The following CRYBG1 variants were observed in gnomAD, a reference collection of about 807,000 sequenced individuals.
CRYBG1 encodes the protein crystallin beta-gamma domain containing 1, also known as beta/gamma crystallin domain-containing protein 1.
Under a neutral mutation model 189.2 loss-of-function variants are expected in CRYBG1, and 139 were observed. The ratio of observed to expected loss-of-function variants is 0.73; its 90% CI spans 0.64 to 0.85. The LOEUF (loss-of-function observed/expected upper bound fraction) is 0.85, where lower values mean the gene tolerates loss of function less well. CRYBG1 is among the 40% of genes least tolerant of loss of function. CRYBG1 has a pLI of 0.00. For missense variants in CRYBG1, 2,611 were observed against 2,675.8 expected, an observed-to-expected ratio of 0.98 and a Z score of 0.53; for synonymous variants, 1,023 against 1,017.1, an observed-to-expected ratio of 1.01 and a Z score of -0.11.
intron 7 of CRYBG1, among the ~76,000 whole-genome samples, chr6:106,529,070 A>G (rs1027575173): frequency 1.3e-5 from 2 of 151,396 alleles, no homozygotes; most frequent in African/African-American, 4.9e-5. Flanking sequence ...CTCAGCCTCC[A>G]GAGTAGCTGG....
intron 1 of CRYBG1, among the ~76,000 whole-genome samples, chr6:106,429,741 C>T (rs1197208445): frequency 6.6e-6 from 1 of 152,184 alleles, no homozygotes; most frequent in East Asian, 1.9e-4. Flanking sequence ...TCAGTTTCCT[C>T]CTCTGCATAA....
At chr6:106,443,117 T>C (rs1297813879) in intron 1 of CRYBG1, among the ~76,000 whole-genome samples, 1 of 152,170 alleles carries the variant, frequency 6.6e-6, no homozygotes, top group African/African-American at 2.4e-5. Context: ...ATAGTAGTGG[T>C]TGGAATGCAC....
chr6:106,449,245 A>G (rs563315377), intron 1 of CRYBG1: 1 of 152,352 alleles, frequency 6.6e-6, no homozygotes, highest in African/African-American at 2.4e-5. Context: ...TAGGAAGCAC[A>G]GGTAGATTGC....
rs1222220777 is a variant in CRYBG1 at position 106,568,538 on chromosome 6, T to C, written c.6368T>C (p.Val2123Ala). The C allele has an allele frequency of 1.2e-6, 2 of 1,613,560 alleles. No individual in the cohort carries two copies. Residue 2123 changes from valine (V) to alanine (A), a missense_variant, in exon 22 of 22, where the codon GTG becomes GCG. Transcript: ENST00000633556. ...NTVSKEKFTQ[V>A]WEAMVLYT ...GTCAGCAAAGAGAAGTTTACACAAG[T>C]GTGGGAAGCCATGGTCCTATATACC...
At chr6:106,540,969 CAT>C (rs1774115696) in intron 9 of CRYBG1, among the ~76,000 whole-genome samples, 1 of 152,142 alleles carries the variant, frequency 6.6e-6, no homozygotes, top group Non-Finnish European at 1.5e-5. Context: ...AACAACCCCT[CAT>C]AGACTCATCC....
intron 1 of CRYBG1, among the ~76,000 whole-genome samples, chr6:106,377,434 A>ATG (rs1169073200): frequency 6.6e-6 from 1 of 152,136 alleles, no homozygotes; most frequent in East Asian, 1.9e-4. Flanking sequence ...TTAAAAACAA[A>ATG]TGCCAAAGCG....
intron 2 of CRYBG1, among the ~76,000 whole-genome samples, chr6:106,466,456 T>A (rs552980905): frequency 2.6e-4 from 39 of 152,352 alleles, no homozygotes; most frequent in African/African-American, 9.4e-4. Flanking sequence ...GTGCTATTTA[T>A]TTATTCACTT....
chr6:106,403,141 C>T (rs1770754811), intron 1 of CRYBG1, among the ~76,000 whole-genome samples: 1 of 152,058 alleles, frequency 6.6e-6, no homozygotes, highest in African/African-American at 2.4e-5. Flanking sequence ...TTGAGACTAG[C>T]CTGGGCAACA....
At chr6:106,408,443 A>G (rs1189634002) in intron 1 of CRYBG1, among the ~76,000 whole-genome samples, 2 of 152,250 alleles carry the variant, frequency 1.3e-5, no homozygotes, top group East Asian at 1.9e-4. Flanking sequence ...TACCAGAGGT[A>G]CAAAGAGGAG....
chr6:106,514,642 T>C (rs1182543390), intron 3 of CRYBG1, among the ~76,000 whole-genome samples: 1 of 152,206 alleles, frequency 6.6e-6, no homozygotes, highest in Non-Finnish European at 1.5e-5. Context: ...AACATTGCTG[T>C]GTACCTTATG....
chr6:106,401,527 G>T (rs1770720121), intron 1 of CRYBG1, among the ~76,000 whole-genome samples: 1 of 123,792 alleles, frequency 8.1e-6, no homozygotes. Context: ...TCTAGCATTA[G>T]GTATATCTCC....
At chr6:106,553,311 T>A (rs1774452104) in intron 15 of CRYBG1, 144 bp from the exon 16 acceptor site, 2 of 610,056 alleles carry the variant, frequency 3.3e-6, no homozygotes, top group Non-Finnish European at 5.9e-6. Flanking sequence ...AATGTAGACA[T>A]GGAAAATTAA....
intron 2 of CRYBG1, among the ~76,000 whole-genome samples, chr6:106,458,301 A>G (rs1582774125): frequency 6.6e-6 from 1 of 152,274 alleles, no homozygotes. Flanking sequence ...CTCTTTTTGC[A>G]CAGACTCTTT....
chr6:106,517,451 CACAT>C (rs376505228), intron 3 of CRYBG1, among the ~76,000 whole-genome samples: 11 of 137,918 alleles, frequency 8.0e-5, no homozygotes, highest in South Asian at 2.5e-4. Context: ...TATATATACA[CACAT>C]ATATATATAC....
At chr6:106,430,732 C>G (rs1182470111) in intron 1 of CRYBG1, among the ~76,000 whole-genome samples, 1 of 152,034 alleles carries the variant, frequency 6.6e-6, no homozygotes, top group African/African-American at 2.4e-5. Flanking sequence ...CGTGGCCTTT[C>G]CCTCTCCATG....
rs549261445 is a variant in CRYBG1, at chr6:106,379,058, C to G, written c.173+17977C>G. Among the ~76,000 whole-genome samples, 6 of 152,012 alleles carry G rather than the reference C, an allele frequency of 3.9e-5. No individual in the cohort carries two copies. In the East Asian group the frequency reaches 5.9e-4, roughly 15 times the overall value. On this transcript the variant is annotated intron_variant, in intron 1 of 21. Coordinates refer to ENST00000633556, the MANE Select transcript of CRYBG1 (RefSeq NM_001371242.2). ...GCTACTTTGCTGAGACTGAGGCATG[C>G]AAATTGCTTGACCCCGGGAGGCAGA...
chr6:106,456,964 C>G lies in CRYBG1; in HGVS notation c.312+5132C>G, dbSNP rs150158303. On this transcript the variant is annotated intron_variant, in intron 2 of 21. Transcript: ENST00000633556. Reference sequence around the variant, plus strand: ...GCACCCACATTGTGTCTCAAGTCACCTAGGCTGCTAATCTCACCAAGCACA... The same window carrying G: ...GCACCCACATTGTGTCTCAAGTCACGTAGGCTGCTAATCTCACCAAGCACA... Among the ~76,000 whole-genome samples the G allele has an allele frequency of 3.3e-3, 499 of 152,236 alleles. 5 individuals carry two copies. The highest frequency in any genetic ancestry group is 0.011 in the African/African-American group (470 of 41,538).
At chr6:106,385,300 G>C (rs1226760838) in intron 1 of CRYBG1, among the ~76,000 whole-genome samples, 1 of 152,264 alleles carries the variant, frequency 6.6e-6, no homozygotes, top group South Asian at 2.1e-4. Flanking sequence ...GTACTTTAAT[G>C]GTGGTTGATA....
At chr6:106,501,305 C>T (rs1773005656) in intron 2 of CRYBG1, among the ~76,000 whole-genome samples, 1 of 152,058 alleles carries the variant, frequency 6.6e-6, no homozygotes, top group South Asian at 2.1e-4. Context: ...TCCTCCATAC[C>T]TTATGAGCTG....
Sources: allele counts gnomAD v4.1 joint callset (sites outside exome capture counted in the v4.1 genomes callset), GRCh38; gene constraint gnomAD v4.1.1; transcripts MANE v1.5; gene names NCBI Gene and HGNC (gene_info 2026-07-23, HGNC 2026-07-21).